Variants in DISC1 observed in about 807,000 individuals in gnomAD.
DISC1 encodes the protein DISC1 scaffold protein, also known as disrupted in schizophrenia 1 protein.
Under a neutral mutation model 84.5 loss-of-function variants are expected in DISC1, and 57 were observed. The observed-to-expected ratio is 0.67, with a 90% CI of 0.55 to 0.84. The LOEUF (loss-of-function observed/expected upper bound fraction) is 0.84, where lower values mean the gene tolerates loss of function less well. Among genes scored for constraint, DISC1 ranks in the 40% least tolerant of loss-of-function variants. DISC1 has a pLI of 0.00. For synonymous variants in DISC1, 411 were observed against 415.2 expected, an observed-to-expected ratio of 0.99 and a Z score of 0.12; for missense variants, 1,000 against 1,057.8, an observed-to-expected ratio of 0.95 and a Z score of 0.76.
chr1:231,820,970 A>G (rs1441446370), intron 9 of DISC1, among the ~76,000 whole-genome samples: 1 of 152,204 alleles, frequency 6.6e-6, no homozygotes, highest in Non-Finnish European at 1.5e-5. Context: ...TGTGAAGTGT[A>G]TCTCTAATGA....
chr1:231,905,091 C>T (rs1558714267), intron 9 of DISC1, among the ~76,000 whole-genome samples: 1 of 152,112 alleles, frequency 6.6e-6, no homozygotes, highest in Non-Finnish European at 1.5e-5. Flanking sequence ...GTGGAGAAGC[C>T]TGACAGAGAG....
At chr1:231,903,763 A>G (rs941764665) in intron 9 of DISC1, among the ~76,000 whole-genome samples, 8 of 152,224 alleles carry the variant, frequency 5.3e-5, no homozygotes, top group African/African-American at 1.9e-4. Context: ...AGGGCTGGGA[A>G]AGTGAGAACA....
intron 9 of DISC1, among the ~76,000 whole-genome samples, chr1:231,947,664 A>G (rs915042483): frequency 1.4e-4 from 21 of 152,262 alleles, no homozygotes; most frequent in African/African-American, 4.8e-4. Context: ...ATCAGCATGA[A>G]CAGGCAACCT....
chr1:232,034,958 C>T (rs1670382779), intron 12 of DISC1, among the ~76,000 whole-genome samples: 1 of 152,042 alleles, frequency 6.6e-6, no homozygotes, highest in East Asian at 1.9e-4. Context: ...CACCCTCCTA[C>T]CCAACTCCCA....
intron 10 of DISC1, among the ~76,000 whole-genome samples, chr1:231,984,332 T>G (rs1360858205): frequency 6.6e-6 from 1 of 152,116 alleles, no homozygotes. Flanking sequence ...ATTGGATGAT[T>G]GAGGTAATTA....
chr1:231,779,050 C>A (rs1174197755), intron 6 of DISC1, among the ~76,000 whole-genome samples: 1 of 152,166 alleles, frequency 6.6e-6, no homozygotes, highest in Non-Finnish European at 1.5e-5. Context: ...AAATTATAAA[C>A]AAGACCTAAG....
At chr1:231,999,956 C>T (rs902633980) in intron 10 of DISC1, among the ~76,000 whole-genome samples, 2 of 152,092 alleles carry the variant, frequency 1.3e-5, no homozygotes, top group African/African-American at 2.4e-5. Flanking sequence ...AAAAGTAGGA[C>T]GGGACCTGCA....
intron 1 of DISC1, among the ~76,000 whole-genome samples, chr1:231,678,825 C>T (rs146794049): frequency 0.016 from 2,364 of 152,256 alleles, 49 homozygotes; most frequent in African/African-American, 0.053. Flanking sequence ...GCCACCACGC[C>T]TGGCTAATTG....
chr1:231,634,770 G>A (rs1440470357), intron 1 of DISC1, among the ~76,000 whole-genome samples: 4 of 152,114 alleles, frequency 2.6e-5, no homozygotes, highest in Non-Finnish European at 4.4e-5. Context: ...AGAGTGCCAG[G>A]CATGGTGGTG....
At chr1:231,644,158 G>A (rs1558230908) in intron 1 of DISC1, among the ~76,000 whole-genome samples, 1 of 152,150 alleles carries the variant, frequency 6.6e-6, no homozygotes, top group Non-Finnish European at 1.5e-5. Context: ...TTGCCATAGA[G>A]TCAGAGGAGC....
chr1:231,958,959 T>G, intron 10 of DISC1, 71 bp downstream of exon 10: 1 of 1,516,950 alleles, frequency 6.6e-7, no homozygotes, highest in African/African-American at 1.4e-5. Context: ...AGAATTTAGT[T>G]AAATCGATGA....
At position 231,722,571 on chromosome 1, in the gene DISC1, G is replaced by A. The variant is rs547955972; in HGVS notation, c.1117+20547G>A. On this transcript the variant is annotated intron_variant, in intron 3 of 12. Transcript: ENST00000439617. ...CAATTGCTTTGGATCCACCATGGAAGCCTCGACATCCTGAACCAAACTCCT... is the reference window on the plus strand; with the variant it reads ...CAATTGCTTTGGATCCACCATGGAAACCTCGACATCCTGAACCAAACTCCT... The A allele has an allele frequency of 5.0e-6, 8 of 1,614,164 alleles. No homozygotes were observed. The East Asian group carries it at 1.6e-4, about 31-fold the overall frequency.
intron 4 of DISC1, among the ~76,000 whole-genome samples, chr1:231,764,928 A>G (rs1288584196): frequency 6.6e-6 from 1 of 152,156 alleles, no homozygotes; most frequent in Non-Finnish European, 1.5e-5. Context: ...TTGGTGGCTC[A>G]TGGCTGTAAT....
rs1156437048 is a variant in DISC1 at position 231,824,913 on chromosome 1, CCCAT to C, written c.1981+6407_1981+6410del. Among the ~76,000 whole-genome samples, 7 of 116,668 alleles carry C rather than the reference CCCAT, an allele frequency of 6.0e-5. No homozygotes were observed. The South Asian group carries it at 1.7e-3, about 28-fold the overall frequency. 76.5% of individuals were successfully genotyped at this position (116,668 alleles called of 152,430 possible). A position where few individuals can be genotyped will look rare whatever the true frequency, so the allele number is the denominator to read the frequency against. On this transcript the variant is annotated intron_variant, in intron 9 of 12. Coordinates refer to ENST00000439617, the MANE Select transcript of DISC1 (RefSeq NM_018662.3). ...ATCCATCCATCCATCCATCCATCCACCCATCCATCCATCCTTTCCACAAGCATTT... is the reference window on the plus strand; with the variant it reads ...ATCCATCCATCCATCCATCCATCCACCCATCCATCCTTTCCACAAGCATTT...
rs1304832382 is a variant in DISC1 at position 232,031,291 on chromosome 1, G to T, written c.2425+4739G>T. 2.9e-5 allele frequency among the ~76,000 whole-genome samples: 4 copies of T among 139,388 alleles called. No individual in the cohort carries two copies. The East Asian group carries it at 6.1e-4, about 21-fold the overall frequency. The allele number at this position is 139,388 out of a possible 152,430, so 91.4% of individuals were successfully genotyped here. A position where few individuals can be genotyped will look rare whatever the true frequency, so the allele number is the denominator to read the frequency against. ...TAAAGAAAGAAAAAGAAAGAAAAGA[G>T]GAAGGAAGGAAGGAGAGAGGGAAGG... On this transcript the variant is annotated intron_variant, in intron 12 of 12. Coordinates refer to ENST00000439617, the MANE Select transcript of DISC1 (RefSeq NM_018662.3). This position sits in a 1 kb window ranked among gnomAD's most constrained non-coding sequence, Gnocchi z 4.6.
chr1:231,935,093 A>G (rs958076868), intron 9 of DISC1, among the ~76,000 whole-genome samples: 3 of 152,198 alleles, frequency 2.0e-5, no homozygotes, highest in Admixed American at 2.0e-4. Context: ...TGAACATCTT[A>G]ATACAGCAGG....
At chr1:231,972,125 TTGAC>T (rs1332573134) in intron 10 of DISC1, among the ~76,000 whole-genome samples, 4 of 152,188 alleles carry the variant, frequency 2.6e-5, no homozygotes, top group Non-Finnish European at 4.4e-5. Context: ...TCTCTTTTAA[TTGAC>T]TGTCTGTCTC....
At chr1:231,643,788 C>T (rs1433189250) in intron 1 of DISC1, among the ~76,000 whole-genome samples, 2 of 152,134 alleles carry the variant, frequency 1.3e-5, no homozygotes, top group Non-Finnish European at 2.9e-5. Flanking sequence ...CAAACGGTAG[C>T]ATATTACAGG....
chr1:231,658,721 A>G (rs1222382551), intron 1 of DISC1, among the ~76,000 whole-genome samples: 4 of 152,186 alleles, frequency 2.6e-5, no homozygotes, highest in South Asian at 4.1e-4. Context: ...CCTTTTCTGC[A>G]TATATTGAGA....
Sources: allele counts gnomAD v4.1 joint callset (sites outside exome capture counted in the v4.1 genomes callset), GRCh38; gene constraint gnomAD v4.1.1; non-coding constraint Gnocchi (gnomAD v3.1); transcripts MANE v1.5; gene names NCBI Gene and HGNC (gene_info 2026-07-23, HGNC 2026-07-21).